The following AREL1 variants were observed in gnomAD, a reference collection of about 807,000 sequenced individuals.
AREL1 encodes the protein apoptosis-resistant E3 ubiquitin protein ligase 1.
Under a neutral mutation model 99.0 loss-of-function variants are expected in AREL1, and 62 were observed. The observed-to-expected ratio is 0.63, with a 90% confidence interval of 0.51 to 0.77. The LOEUF is 0.77. AREL1 is among the 30% of genes least tolerant of loss of function. The pLI is 0.00. For synonymous variants in AREL1, 380 were observed against 376.5 expected (o/e 1.01, Z -0.11); for missense variants, 879 against 1,027.6 (o/e 0.86, Z 1.98).
intron 5 of AREL1, among the ~76,000 whole-genome samples, chr14:74,682,480 C>CA (rs1285581772): frequency 2.0e-5 from 3 of 152,084 alleles, no homozygotes; most frequent in Non-Finnish European, 4.4e-5. Flanking sequence ...ATTCGACCAC[C>CA]AACTGATGAA....
At chr14:74,673,995 A>G (rs373173647) in intron 9 of AREL1, 39 bp downstream of exon 9, 3 of 1,509,300 alleles carry the variant, frequency 2.0e-6, no homozygotes, top group Middle Eastern at 1.7e-4. Flanking sequence ...CCAGAGATGA[A>G]GCATGCTTGA....
intron 4 of AREL1, among the ~76,000 whole-genome samples, chr14:74,684,199 A>C (rs1433838733): frequency 6.6e-6 from 1 of 152,226 alleles, no homozygotes; most frequent in African/African-American, 2.4e-5. Flanking sequence ...CCCTATCTAT[A>C]ATACTTACTC....
Position 74,676,596 on chromosome 14 carries a change from A to G in AREL1, c.638T>C (p.Leu213Ser). ...GAGACTGCTTACCTCATGAATGGAC[A>G]AGGTGTAATTGTGCTCATCTCTCAA... ...MSLRDEHNYT[L>S]SIHELGPQEE... is the part of the protein sequence containing the mutation. The change falls in exon 6 of 20, where the codon TTG becomes TCG. Residue 213 changes from leucine (L) to serine (S), a missense_variant. Transcript: ENST00000356357. 6.2e-7 allele frequency: 1 copy of G among 1,612,944 alleles called. No individual in the cohort carries two copies. The highest frequency in any genetic ancestry group is 8.5e-7 in the Non-Finnish European group (1 of 1,179,646).
chr14:74,676,261 T>G lies in AREL1; in HGVS notation c.712A>C (p.Arg238=). 1 of 1,614,194 alleles carries G rather than the reference T, an allele frequency of 6.2e-7. No homozygotes were observed. Among genetic ancestry groups the G allele is most frequent in the Non-Finnish European group, 8.5e-7 (1 of 1,180,028 alleles). Residue 238 remains arginine (R), a synonymous_variant, in exon 7 of 20, where the codon AGG becomes CGG. Coordinates refer to ENST00000356357, the MANE Select transcript of AREL1 (RefSeq NM_001039479.2). ...VSFEKSVTSN[R]QTFQVFLRLT... ...CGCAAGAACACCTGGAAAGTCTGCC[T>G]GTTGGATGTTACTGATTTCTCAAAT...
At chr14:74,673,357 T>G in intron 9 of AREL1, 139 bp from the exon 10 acceptor site, 1 of 803,750 alleles carries the variant, frequency 1.2e-6, no homozygotes, top group Non-Finnish European at 1.9e-6. Flanking sequence ...AGAAATACAT[T>G]TCATTATTTT....
chr14:74,686,981 TG>T (rs540801612), intron 2 of AREL1, among the ~76,000 whole-genome samples: 196 of 152,326 alleles, frequency 1.3e-3, no homozygotes, highest in African/African-American at 4.4e-3. Context: ...CTGAATTAGC[TG>T]GGGACCCAAC....
At chr14:74,680,533 T>G (rs1362129996) in intron 5 of AREL1, among the ~76,000 whole-genome samples, 8 of 152,210 alleles carry the variant, frequency 5.3e-5, no homozygotes, top group Admixed American at 5.2e-4. Context: ...CTCCAATACA[T>G]CTCAGCAACT....
intron 5 of AREL1, among the ~76,000 whole-genome samples, chr14:74,683,070 C>A (rs2089667250): frequency 6.6e-6 from 1 of 152,122 alleles, no homozygotes; most frequent in Non-Finnish European, 1.5e-5. Flanking sequence ...GGAAAAGTGA[C>A]TACTAACATG....
In AREL1 at chr14:74,675,712, T is replaced by G; in HGVS notation, c.1067A>C (p.Tyr356Ser). The G allele has an allele frequency of 6.2e-7, 1 of 1,614,092 alleles. No individual in the cohort carries two copies. Among genetic ancestry groups the G allele is most frequent in the Non-Finnish European group, 8.5e-7 (1 of 1,179,986 alleles). ...KVKKPKKVYC[Y>S]VSPKQFSVKE... ...GGAAGGTCCAACCTTTGGTGACACA[T>G]AGCAGTACACCTTCTTCGGTTTCTT... The change falls in exon 8 of 20, where the codon TAT (tyrosine) becomes TCT (serine). Residue 356 changes from tyrosine (Y) to serine (S), a missense_variant. Tyr to Ser is a moderately radical substitution (Grantham distance 144). Coordinates refer to ENST00000356357, the MANE Select transcript of AREL1 (RefSeq NM_001039479.2).
intron 1 of AREL1, among the ~76,000 whole-genome samples, chr14:74,704,288 CATACGCCCAGG>C (rs2090136621): frequency 2.0e-5 from 3 of 152,144 alleles, no homozygotes; most frequent in Admixed American, 6.5e-5. Flanking sequence ...AGGTTGAAGA[CATACGCCCAGG>C]ACACGGCCTC....
At chr14:74,664,223 C>T (rs1411988890) in intron 18 of AREL1, 149 bp from the exon 19 acceptor site, 2 of 837,806 alleles carry the variant, frequency 2.4e-6, no homozygotes, top group Non-Finnish European at 3.6e-6. Context: ...ACAAGCACTT[C>T]AAGAATTTAC....
intron 1 of AREL1, among the ~76,000 whole-genome samples, chr14:74,697,459 G>C (rs2089999622): frequency 6.6e-6 from 1 of 152,074 alleles, no homozygotes; most frequent in South Asian, 2.1e-4. Context: ...CAGACACTTT[G>C]GATTATCAGT....
At position 74,663,572 on chromosome 14, in the gene AREL1, G is replaced by A. The variant is rs2089135241; in HGVS notation, c.*148C>T. The A allele has an allele frequency of 2.4e-6, 2 of 826,046 alleles. No homozygotes were observed. The highest frequency in any genetic ancestry group is 1.5e-5 in the South Asian group (1 of 66,464). The allele number at this position is 826,046 out of a possible 1,614,324, so 51.2% of individuals were successfully genotyped here. ...AGCAGGTGAGGTAAAGACAAGGCTT[G>A]TAGGTGACAAAATCCTCCAGACACA... On this transcript the variant is annotated 3_prime_UTR_variant, in exon 20 of 20. Coordinates refer to ENST00000356357, the MANE Select transcript of AREL1 (RefSeq NM_001039479.2).
intron 1 of AREL1, among the ~76,000 whole-genome samples, chr14:74,699,210 C>A (rs1006012066): frequency 3.9e-5 from 6 of 152,134 alleles, no homozygotes. Flanking sequence ...GGACTCCTGG[C>A]AGGCACCAAT....
chr14:74,673,253 A>C (rs2089397570), intron 9 of AREL1, 35 bp from the exon 10 acceptor site: 2 of 1,609,474 alleles, frequency 1.2e-6, no homozygotes, highest in African/African-American at 2.7e-5. Context: ...AATCTATAAA[A>C]CCCTCAAGGC....
At chr14:74,674,626 T>C (rs918669789) in intron 8 of AREL1, among the ~76,000 whole-genome samples, 1 of 151,992 alleles carries the variant, frequency 6.6e-6, no homozygotes, top group Non-Finnish European at 1.5e-5. Flanking sequence ...ATAAAAAAAA[T>C]ATGACTGACA....
intron 18 of AREL1, 64 bp from the exon 19 acceptor site, chr14:74,664,138 G>A (rs2089154080): frequency 1.3e-6 from 2 of 1,538,158 alleles, no homozygotes; most frequent in East Asian, 2.4e-5. Flanking sequence ...GATCCCTGGG[G>A]AAGGAACAAG....
Position 74,692,036 on chromosome 14 carries a change from C to T in AREL1, c.-46+5G>A, listed in dbSNP as rs2089892688. ...ACTAAAGCTTAACTCAGTCTGTTACCTTACCTTTAAACGAGGGCCCATGTT... is the reference window on the plus strand; with the variant it reads ...ACTAAAGCTTAACTCAGTCTGTTACTTTACCTTTAAACGAGGGCCCATGTT... On this transcript the variant is annotated splice_donor_5th_base_variant and intron_variant, in intron 2 of 19. Transcript: ENST00000356357. 2 of 377,320 alleles carry T rather than the reference C, an allele frequency of 5.3e-6. No homozygotes were observed. The highest frequency in any genetic ancestry group is 4.1e-5 in the Admixed American group (1 of 24,248). The allele number at this position is 377,320 out of a possible 1,614,324, so 23.4% of individuals were successfully genotyped here.
chr14:74,690,854 A>G (rs961082634), intron 2 of AREL1, among the ~76,000 whole-genome samples: 15 of 152,336 alleles, frequency 9.8e-5, no homozygotes, highest in African/African-American at 3.6e-4. Context: ...TCACAGGCCA[A>G]ACACTGCCTT....
Sources: allele counts gnomAD v4.1 joint callset (sites outside exome capture counted in the v4.1 genomes callset), GRCh38; gene constraint gnomAD v4.1.1; transcripts MANE v1.5; gene names NCBI Gene and HGNC (gene_info 2026-07-23, HGNC 2026-07-21).